The following PCDHGB7 variants were observed in gnomAD, a reference collection of about 807,000 sequenced individuals.
PCDHGB7 encodes protocadherin gamma subfamily B, 7.
PCDHGB7 carries 37 observed loss-of-function variants against 61.4 expected under a neutral mutation model. The observed-to-expected ratio is 0.60, with a 90% CI of 0.46 to 0.79. The LOEUF (loss-of-function observed/expected upper bound fraction) is 0.79. Among genes scored for constraint, PCDHGB7 ranks in the 30% least tolerant of loss-of-function variants. The probability of loss-of-function intolerance (pLI) is 0.00; values close to 1 mark genes in which losing one functional copy is unlikely to be tolerated. For synonymous variants in PCDHGB7, 464 were observed against 503.5 expected (o/e 0.92, Z 1.05); for missense variants, 1,166 against 1,202.5 (o/e 0.97, Z 0.45).
chr5:141,421,469 G>T (rs767500900), intron 1 of PCDHGB7: 1 of 1,614,122 alleles, frequency 6.2e-7, no homozygotes, highest in South Asian at 1.1e-5. Flanking sequence ...GTGAATCCGC[G>T]AAGCGGCAGC....
intron 1 of PCDHGB7, chr5:141,423,313 G>T (rs1407028245): frequency 1.2e-6 from 2 of 1,614,184 alleles, no homozygotes; most frequent in Non-Finnish European, 1.7e-6. Context: ...GTACTTGGTG[G>T]TGGCGGTGGC....
At chr5:141,509,887 T>C (rs138950510) in intron 3 of PCDHGB7, among the ~76,000 whole-genome samples, 1 of 152,314 alleles carries the variant, frequency 6.6e-6, no homozygotes, top group East Asian at 1.9e-4. Flanking sequence ...TGATGGTGAC[T>C]GACTGTCCCT....
intron 3 of PCDHGB7, among the ~76,000 whole-genome samples, chr5:141,505,766 C>T (rs1420683619): frequency 2.0e-5 from 3 of 151,768 alleles, no homozygotes; most frequent in African/African-American, 4.8e-5. Context: ...CAGTGTAGCT[C>T]AGGTCCTAGC....
chr5:141,449,073 T>C (rs889880816), intron 1 of PCDHGB7, among the ~76,000 whole-genome samples: 1 of 152,246 alleles, frequency 6.6e-6, no homozygotes, highest in African/African-American at 2.4e-5. Flanking sequence ...TGAATAGCCC[T>C]GTACCTACAT....
chr5:141,454,281 A>C (rs1048947689), intron 1 of PCDHGB7, among the ~76,000 whole-genome samples: 2 of 152,242 alleles, frequency 1.3e-5, no homozygotes, highest in African/African-American at 4.8e-5. Context: ...AAAACTTCAC[A>C]TTAAAGGAAC....
rs371079504 is a variant in PCDHGB7, at chr5:141,422,041, G to C, written c.2415+1767G>C. 9 of 1,611,514 alleles carry C rather than the reference G, an allele frequency of 5.6e-6. No homozygotes were observed. The highest frequency in any genetic ancestry group is 5.9e-6 in the Non-Finnish European group (7 of 1,179,230). On this transcript the variant is annotated intron_variant, in intron 1 of 3. Transcript: ENST00000398594. ...GATGGTTAATGCAACGGATCCAGAC[G>C]AGGGAATCAACGGGGAAGTAATGTA...
At chr5:141,458,563 G>T (rs1181785251) in intron 1 of PCDHGB7, among the ~76,000 whole-genome samples, 1 of 140,116 alleles carries the variant, frequency 7.1e-6, no homozygotes, top group Non-Finnish European at 1.5e-5. Context: ...TTTTGGTTTT[G>T]GGTTTTTGTT....
At chr5:141,466,624 G>C (rs1279938026) in intron 1 of PCDHGB7, among the ~76,000 whole-genome samples, 1 of 152,038 alleles carries the variant, frequency 6.6e-6, no homozygotes, top group Non-Finnish European at 1.5e-5. Context: ...GTTTTCTTTG[G>C]AGCATTGTCT....
chr5:141,509,371 T>C (rs2099876508), intron 3 of PCDHGB7, among the ~76,000 whole-genome samples: 1 of 152,258 alleles, frequency 6.6e-6, no homozygotes, highest in South Asian at 2.1e-4. Context: ...AGGTTTTAAC[T>C]GTCTCCTAAC....
In PCDHGB7 at chr5:141,421,902, C is replaced by T. The variant is rs1218675162; in HGVS notation, c.2415+1628C>T. 4 of 1,613,706 alleles carry T rather than the reference C, an allele frequency of 2.5e-6. No homozygotes were observed. The South Asian group carries it at 3.3e-5, about 13-fold the overall frequency. On this transcript the variant is annotated intron_variant, in intron 1 of 3. Coordinates refer to ENST00000398594, the MANE Select transcript of PCDHGB7 (RefSeq NM_018927.4). Reference sequence around the variant, plus strand: ...ATGGAGGCGATCCCATCCGAAAGGGCGCAGTTCCCATTCGTGTGGTGGTCC... The same window carrying T: ...ATGGAGGCGATCCCATCCGAAAGGGTGCAGTTCCCATTCGTGTGGTGGTCC...
In PCDHGB7 at chr5:141,477,200, C is replaced by A; in HGVS notation, c.2416-17607C>A. On this transcript the variant is annotated intron_variant, in intron 1 of 3. Transcript: ENST00000398594. The surrounding 1 kb of genome is among the most constrained non-coding windows in gnomAD (Gnocchi z 4.9). The stretch of plus-strand genomic sequence containing the variant: ...AGTCACCTCCGTGTACAGCCCAGTA[C>A]CCGAGGATGCCCCTCTGGGGACTGT... 6.2e-7 allele frequency: 1 copy of A among 1,614,206 alleles called. No homozygotes were observed. Among genetic ancestry groups the A allele is most frequent in the South Asian group, 1.1e-5 (1 of 91,088 alleles).
At chr5:141,505,532 G>A in intron 3 of PCDHGB7, 51 bp downstream of exon 3, 2 of 1,611,270 alleles carry the variant, frequency 1.2e-6, no homozygotes, top group Non-Finnish European at 1.7e-6. Context: ...GGGGTTCTGG[G>A]GTGCATCTCA....
Position 141,419,861 on chromosome 5 carries a change from T to G in PCDHGB7, c.2002T>G (p.Leu668Val), listed in dbSNP as rs749551833. Residue 668 changes from leucine to valine, a missense_variant, in exon 1 of 4, where the codon TTG becomes GTG. Leu to Val is a conservative substitution (Grantham distance 32). Transcript: ENST00000398594. ...ATLHLVFADS[L>V]QEVLPDFSDH... ...GCTGCACCTGGTGTTCGCAGATAGCTTGCAAGAGGTACTGCCGGATTTCAG... is the reference window on the plus strand; with the variant it reads ...GCTGCACCTGGTGTTCGCAGATAGCGTGCAAGAGGTACTGCCGGATTTCAG... 1 of 1,614,098 alleles carries G rather than the reference T, an allele frequency of 6.2e-7. No homozygotes were observed. The highest frequency in any genetic ancestry group is 8.5e-7 in the Non-Finnish European group (1 of 1,179,902).
At position 141,511,260 on chromosome 5, in the gene PCDHGB7, G is replaced by A; in HGVS notation, c.*87G>A. 6.4e-7 allele frequency: 1 copy of A among 1,558,596 alleles called. No individual in the cohort carries two copies. Among genetic ancestry groups the A allele is most frequent in the Non-Finnish European group, 8.7e-7 (1 of 1,151,758 alleles). On this transcript the variant is annotated 3_prime_UTR_variant, in exon 4 of 4. Transcript: ENST00000398594. ...CCTGCACCCAGGCCTCAGAGTTTCA[G>A]GGCTAACCCCCAGAATACTGGTAGG...
At chr5:141,464,312 C>T (rs2099081610) in intron 1 of PCDHGB7, among the ~76,000 whole-genome samples, 1 of 149,056 alleles carries the variant, frequency 6.7e-6, no homozygotes, top group South Asian at 2.1e-4. Flanking sequence ...GTGCACATAT[C>T]ATTATCTGTT....
chr5:141,492,386 G>C (rs1343104703), intron 1 of PCDHGB7, among the ~76,000 whole-genome samples: 1 of 152,202 alleles, frequency 6.6e-6, no homozygotes, highest in African/African-American at 2.4e-5. Context: ...GCCTGTTCCG[G>C]TCCACTCGCA....
In PCDHGB7 at chr5:141,491,803, C is replaced by T. The variant is rs2099730932; in HGVS notation, c.2416-3004C>T. ...CTTGCATCCACTCCTCTCCGGCCGG[C>T]TTGGTCGCTGGCTGCGCTCCACCCG... On this transcript the variant is annotated intron_variant, in intron 1 of 3. Transcript: ENST00000398594. This position sits in a 1 kb window ranked among gnomAD's most constrained non-coding sequence, Gnocchi z 6.9. 1 of 1,497,820 alleles carries T rather than the reference C, an allele frequency of 6.7e-7. No individual in the cohort carries two copies. Among genetic ancestry groups the T allele is most frequent in the Non-Finnish European group, 8.9e-7 (1 of 1,124,124 alleles). 92.8% of individuals were successfully genotyped at this position (1,497,820 alleles called of 1,614,324 possible).
chr5:141,488,158 G>A (rs534297140), intron 1 of PCDHGB7, among the ~76,000 whole-genome samples: 4 of 152,328 alleles, frequency 2.6e-5, no homozygotes, highest in South Asian at 2.1e-4. Context: ...AGAGAGGCAC[G>A]CATCAGAGTG....
In PCDHGB7 at chr5:141,490,390, G is replaced by C. The variant is rs2099699651; in HGVS notation, c.2416-4417G>C. The C allele has an allele frequency of 6.2e-7, 1 of 1,614,074 alleles. No individual in the cohort carries two copies. The highest frequency in any genetic ancestry group is 8.5e-7 in the Non-Finnish European group (1 of 1,180,040). On this transcript the variant is annotated intron_variant, in intron 1 of 3. Coordinates refer to ENST00000398594, the MANE Select transcript of PCDHGB7 (RefSeq NM_018927.4). This position sits in a 1 kb window ranked among gnomAD's most constrained non-coding sequence, Gnocchi z 5.4. ...AGACCGGGACTCAGGTAGAAATGGT[G>C]AAGTGAGCCTTGATATCTCTCCGGA... is the stretch of plus-strand genomic sequence containing the variant.
Sources: allele counts gnomAD v4.1 joint callset (sites outside exome capture counted in the v4.1 genomes callset), GRCh38; gene constraint gnomAD v4.1.1; non-coding constraint Gnocchi (gnomAD v3.1); transcripts MANE v1.5; gene names NCBI Gene and HGNC (gene_info 2026-07-23, HGNC 2026-07-21).